MED26: variants seen among roughly 807,000 people sequenced by gnomAD.
The protein encoded by MED26 is mediator complex subunit 26.
In MED26, 7 loss-of-function variants were observed where a neutral mutation model predicts 43.7. The ratio of observed to expected loss-of-function variants is 0.16; its 90% CI spans 0.09 to 0.30. MED26 has a LOEUF of 0.30. Ranked by LOEUF, MED26 falls within the 10% of genes least tolerant of loss-of-function variation. MED26 has a pLI of 1.00. For synonymous variants in MED26, 375 were observed against 371.1 expected (o/e 1.01, Z -0.12); for missense variants, 784 against 840.6 (o/e 0.93, Z 0.83).
Position 16,628,023 on chromosome 19 carries a change from G to C in MED26, c.-80C>G. On this transcript the variant is annotated 5_prime_UTR_variant, in exon 1 of 3. Transcript: ENST00000263390. ...GGGGGACGGGGGTCACTCACTCGCCGGCCTCCGGGAGCCGGAGCCGCATGT... is the reference window on the plus strand; with the variant it reads ...GGGGGACGGGGGTCACTCACTCGCCCGCCTCCGGGAGCCGGAGCCGCATGT... 1 of 891,966 alleles carries C rather than the reference G, an allele frequency of 1.1e-6. No individual in the cohort carries two copies. Among genetic ancestry groups the C allele is most frequent in the Non-Finnish European group, 1.5e-6 (1 of 652,006 alleles). The allele number at this position is 891,966 out of a possible 1,614,324, so 55.3% of individuals were successfully genotyped here.
At chr19:16,584,043 G>A (rs1296303278) in intron 1 of MED26, among the ~76,000 whole-genome samples, 1 of 152,124 alleles carries the variant, frequency 6.6e-6, no homozygotes, top group Non-Finnish European at 1.5e-5. Context: ...AAGACCACAA[G>A]AGGTCTGGCT....
In MED26 at chr19:16,587,380, C is replaced by G. The variant is rs1355861328; in HGVS notation, c.73-8971G>C. On this transcript the variant is annotated intron_variant, in intron 1 of 2. Coordinates refer to ENST00000263390, the MANE Select transcript of MED26 (RefSeq NM_004831.5). The surrounding 1 kb of genome is among the most constrained non-coding windows in gnomAD (Gnocchi z 4.9). Reference sequence around the variant, plus strand: ...CCCTCTCAGCTCTGGAAAGCGCAGCCCTGAGGGGTGCTGCTGTGCTTACCC... The same window carrying G: ...CCCTCTCAGCTCTGGAAAGCGCAGCGCTGAGGGGTGCTGCTGTGCTTACCC... 6.6e-6 allele frequency: 1 copy of G among 152,442 alleles called. No individual in the cohort carries two copies. Among genetic ancestry groups the G allele is most frequent in the Non-Finnish European group, 1.5e-5 (1 of 68,244 alleles). 9.4% of individuals were successfully genotyped at this position (152,442 alleles called of 1,614,324 possible). A position where few individuals can be genotyped will look rare whatever the true frequency, so the allele number is the denominator to read the frequency against.
intron 1 of MED26, among the ~76,000 whole-genome samples, chr19:16,598,336 CAAAAA>C (rs35572400): frequency 6.3e-5 from 4 of 63,418 alleles, no homozygotes; most frequent in South Asian, 7.0e-4. Context: ...GATTCCATCT[CAAAAA>C]AAAAAAAAAA....
chr19:16,614,198 C>A (rs2086212403), intron 1 of MED26, among the ~76,000 whole-genome samples: 1 of 152,158 alleles, frequency 6.6e-6, no homozygotes, highest in African/African-American at 2.4e-5. Flanking sequence ...TGAGAAGGAC[C>A]TGAAGCCTTC....
Position 16,576,860 on chromosome 19 carries a change from G to T in MED26, c.970C>A (p.Pro324Thr), listed in dbSNP as rs2086006493. 1.2e-6 allele frequency: 2 copies of T among 1,611,028 alleles called. No homozygotes were observed. The highest frequency in any genetic ancestry group is 1.1e-5 in the South Asian group (1 of 90,890). The change falls in exon 3 of 3, where the codon CCC becomes ACC. Residue 324 changes from proline (P) to threonine (T), a missense_variant. Around this residue, in one of 3 missense-constraint regions of MED26, gnomAD observed 719 missense variants for 730.9 expected, o/e 0.98. Transcript: ENST00000263390. This position sits in a 1 kb window ranked among gnomAD's most constrained non-coding sequence, Gnocchi z 6.8. ...AGCAGCTCGAGCCGCCGTACGGGGGGTGTGGACGGCTGTGCCAGTGGAAGC... is the reference window on the plus strand; with the variant it reads ...AGCAGCTCGAGCCGCCGTACGGGGGTTGTGGACGGCTGTGCCAGTGGAAGC... ...SPLPLAQPST[P>T]PVRRLELLPS...
chr19:16,578,135 G>T, intron 2 of MED26, 200 bp downstream of exon 2: 1 of 613,166 alleles, frequency 1.6e-6, no homozygotes. Context: ...TGGGCATGTA[G>T]GATGGGAGTA....
At chr19:16,608,081 C>T (rs796112751) in intron 1 of MED26, among the ~76,000 whole-genome samples, 28 of 152,376 alleles carry the variant, frequency 1.8e-4, no homozygotes, top group African/African-American at 6.0e-4. Context: ...GCCAGATCTC[C>T]GTCTGCACAC....
chr19:16,583,531 G>A (rs1243478051), intron 1 of MED26, among the ~76,000 whole-genome samples: 1 of 152,180 alleles, frequency 6.6e-6, no homozygotes, highest in African/African-American at 2.4e-5. Context: ...GTCGACAGCA[G>A]AACCTCCATG....
chr19:16,606,968 T>C (rs1338675265), intron 1 of MED26, among the ~76,000 whole-genome samples: 1 of 152,136 alleles, frequency 6.6e-6, no homozygotes, highest in East Asian at 1.9e-4. Flanking sequence ...AATGATCCTC[T>C]TGTCTCAGAC....
At chr19:16,607,847 G>C (rs1469216400) in intron 1 of MED26, among the ~76,000 whole-genome samples, 1 of 152,230 alleles carries the variant, frequency 6.6e-6, no homozygotes, top group Non-Finnish European at 1.5e-5. Flanking sequence ...CCGATCTAGA[G>C]CAAGTTGCAT....
chr19:16,607,056 C>A (rs759364630), intron 1 of MED26, among the ~76,000 whole-genome samples: 22 of 152,072 alleles, frequency 1.4e-4, no homozygotes, highest in Non-Finnish European at 4.4e-5. Context: ...AAAATAAGAA[C>A]GTTGGCCAGG....
At chr19:16,604,584 T>A (rs2086163961) in intron 1 of MED26, among the ~76,000 whole-genome samples, 1 of 152,134 alleles carries the variant, frequency 6.6e-6, no homozygotes, top group Non-Finnish European at 1.5e-5. Flanking sequence ...GCCACCTAGA[T>A]TCCATTCTGC....
At chr19:16,594,895 C>T (rs186345789) in intron 1 of MED26, among the ~76,000 whole-genome samples, 6 of 152,292 alleles carry the variant, frequency 3.9e-5, no homozygotes, top group Non-Finnish European at 4.4e-5. Context: ...CACACCAAAA[C>T]GGCTCTACCC....
chr19:16,597,456 A>C (rs760714226), intron 1 of MED26: 2 of 398,508 alleles, frequency 5.0e-6, no homozygotes, highest in African/African-American at 2.1e-5. Context: ...CGCACTTCCT[A>C]AACAGGTAAC....
chr19:16,576,496 G>A lies in MED26; in HGVS notation c.1334C>T (p.Ala445Val). The change falls in exon 3 of 3, where the codon GCA becomes GTA. Residue 445 changes from alanine to valine, a missense_variant. Coordinates refer to ENST00000263390, the MANE Select transcript of MED26 (RefSeq NM_004831.5). This position sits in a 1 kb window ranked among gnomAD's most constrained non-coding sequence, Gnocchi z 6.8. ...CTGCTCCATGTGCACAGGGCTGTCT[G>A]CCCGCACTGGCTCTTTCTGGGTCAG... ...KPLTQKEPVR[A>V]DSPVHMEQQS... The A allele has an allele frequency of 6.2e-7, 1 of 1,614,214 alleles. No homozygotes were observed. Among genetic ancestry groups the A allele is most frequent in the South Asian group, 1.1e-5 (1 of 91,088 alleles).
intron 1 of MED26, chr19:16,611,231 A>T (rs2086198118): frequency 6.6e-6 from 1 of 152,210 alleles, no homozygotes; most frequent in Non-Finnish European, 1.5e-5. Flanking sequence ...GGCATGGACC[A>T]CTCCAGGGTG....
intron 1 of MED26, among the ~76,000 whole-genome samples, chr19:16,591,435 C>A (rs1299356809): frequency 1.3e-5 from 2 of 152,204 alleles, no homozygotes; most frequent in African/African-American, 4.8e-5. Flanking sequence ...TATGCACCCA[C>A]AAACACTTGT....
rs1599343195 is a variant in MED26, at chr19:16,606,649, C to T, written c.72+21223G>A. Among the ~76,000 whole-genome samples, 3 of 152,342 alleles carry T rather than the reference C, an allele frequency of 2.0e-5. No individual in the cohort carries two copies. The South Asian group carries it at 6.2e-4, about 32-fold the overall frequency. On this transcript the variant is annotated intron_variant, in intron 1 of 2. Coordinates refer to ENST00000263390, the MANE Select transcript of MED26 (RefSeq NM_004831.5). ...GGGAGCGGGGGATAAGCAAATGTGG[C>T]ATTAGCCACGATGAAACCTAGAGAG... is the stretch of plus-strand genomic sequence containing the variant.
chr19:16,585,690 C>T (rs981030503), intron 1 of MED26, among the ~76,000 whole-genome samples: 1 of 152,236 alleles, frequency 6.6e-6, no homozygotes, highest in African/African-American at 2.4e-5. Context: ...CCAGTGACAC[C>T]TCTGACCCCT....
Sources: gnomAD v4.1 joint callset for allele counts (sites outside exome capture counted in the v4.1 genomes callset) on GRCh38, gnomAD v4.1.1 for gene constraint, gnomAD v4.1.1 regional missense constraint, Gnocchi (gnomAD v3.1) non-coding constraint, MANE v1.5 for transcripts, NCBI Gene and HGNC (gene_info 2026-07-23, HGNC 2026-07-21) for gene names.